Variants in PALM2AKAP2 observed in about 807,000 individuals in gnomAD.
PALM2AKAP2 encodes the protein PALM2 and AKAP2 fusion.
PALM2AKAP2 carries 37 observed loss-of-function variants against 71.5 expected under a neutral mutation model. The observed-to-expected ratio is 0.52, with a 90% CI of 0.40 to 0.68. The LOEUF (loss-of-function observed/expected upper bound fraction) is 0.68, where lower values mean the gene tolerates loss of function less well. Among genes scored for constraint, PALM2AKAP2 ranks in the 30% least tolerant of loss-of-function variants. The pLI is 0.00. For missense variants in PALM2AKAP2, 1,224 were observed against 1,191.8 expected (o/e 1.03, Z -0.40); for synonymous variants, 468 against 478.8 (o/e 0.98, Z 0.29).
At chr9:109,912,938 A>C (rs1212481922) in intron 3 of PALM2AKAP2, among the ~76,000 whole-genome samples, 1 of 152,224 alleles carries the variant, frequency 6.6e-6, no homozygotes, top group Non-Finnish European at 1.5e-5. Context: ...ATCTTTGGGC[A>C]AGAGTTCAGT....
At position 110,033,602 on chromosome 9, in the gene PALM2AKAP2, AAG is replaced by A. The variant is rs1412992242; in HGVS notation, c.582+17566_582+17567del. ...GACTTTATAAGGTCACAAATTCTGG[AAG>A]AGCAGAGTCAGAATTCAATTCCAGG... On this transcript the variant is annotated intron_variant, in intron 7 of 9. Transcript: ENST00000302798. Among the ~76,000 whole-genome samples the A allele has an allele frequency of 2.6e-5, 4 of 152,382 alleles. No individual in the cohort carries two copies. The East Asian group carries it at 7.7e-4, about 29-fold the overall frequency.
intron 6 of PALM2AKAP2, among the ~76,000 whole-genome samples, chr9:110,008,080 G>C (rs79336786): frequency 0.027 from 4,123 of 152,260 alleles, 72 homozygotes; most frequent in South Asian, 0.057. Context: ...TACACAGAAA[G>C]GTGGTGGGAA....
chr9:110,016,360 C>G (rs906528799), intron 7 of PALM2AKAP2, among the ~76,000 whole-genome samples: 1 of 152,158 alleles, frequency 6.6e-6, no homozygotes, highest in Non-Finnish European at 1.5e-5. Flanking sequence ...TACACGTAAG[C>G]TATTTGTAAA....
intron 7 of PALM2AKAP2, among the ~76,000 whole-genome samples, chr9:110,017,841 C>T (rs1392406755): frequency 2.0e-5 from 3 of 151,934 alleles, no homozygotes; most frequent in African/African-American, 7.3e-5. Context: ...AATTATCCTG[C>T]CTCAGCCTCC....
At chr9:109,656,642 T>G (rs1827312073) in intron 1 of PALM2AKAP2, among the ~76,000 whole-genome samples, 2 of 152,134 alleles carry the variant, frequency 1.3e-5, no homozygotes, top group African/African-American at 4.8e-5. Flanking sequence ...AAGATGGTTA[T>G]GGTTGTTGTG....
chr9:109,710,037 T>G (rs74686459), intron 1 of PALM2AKAP2, among the ~76,000 whole-genome samples: 6,457 of 152,158 alleles, frequency 0.042, 185 homozygotes, highest in Non-Finnish European at 0.053. Flanking sequence ...AGAAGGCCAT[T>G]TGATGATGGA....
intron 1 of PALM2AKAP2, among the ~76,000 whole-genome samples, chr9:109,676,171 GTTCCTCAC>G (rs1564109440): frequency 6.6e-6 from 1 of 152,162 alleles, no homozygotes; most frequent in African/African-American, 2.4e-5. Flanking sequence ...TAGAGCAAGA[GTTCCTCAC>G]TTCCTCACGC....
chr9:110,013,961 G>C (rs1832927932), intron 6 of PALM2AKAP2, among the ~76,000 whole-genome samples: 1 of 152,090 alleles, frequency 6.6e-6, no homozygotes, highest in Non-Finnish European at 1.5e-5. Context: ...AGCTGTTTTT[G>C]TAAATAAAGT....
chr9:110,092,679 A>G (rs1226484406), intron 1 of PALM2AKAP2, among the ~76,000 whole-genome samples: 1 of 152,198 alleles, frequency 6.6e-6, no homozygotes, highest in African/African-American at 2.4e-5. Flanking sequence ...ACTGAAAGGT[A>G]AAGGTACAGG....
Position 110,015,068 on chromosome 9 carries a change from C to T in PALM2AKAP2, c.497-886C>T, listed in dbSNP as rs79507587. Among the ~76,000 whole-genome samples the T allele has an allele frequency of 9.3e-3, 1,408 of 151,780 alleles. 21 individuals are homozygous for T. Among genetic ancestry groups the T allele is most frequent in the African/African-American group, 0.033 (1,356 of 41,378 alleles). On this transcript the variant is annotated intron_variant, in intron 6 of 9. Coordinates refer to the PALM2AKAP2 transcript ENST00000302798. ...CCGGATGTCCACTCTTGGAGACAAT[C>T]GGGTAGCTTTAGAAGAAAGAAACAT...
At chr9:109,994,972 A>G (rs1345437939) in intron 6 of PALM2AKAP2, among the ~76,000 whole-genome samples, 2 of 152,126 alleles carry the variant, frequency 1.3e-5, no homozygotes, top group Non-Finnish European at 2.9e-5. Flanking sequence ...ACAAAATACC[A>G]CAGCATGTCT....
At chr9:110,113,994 A>G (rs1209600960) in intron 1 of PALM2AKAP2, among the ~76,000 whole-genome samples, 1 of 152,234 alleles carries the variant, frequency 6.6e-6, no homozygotes, top group East Asian at 1.9e-4. Context: ...CTGCCTTCAC[A>G]TTCTGTCCTC....
intron 6 of PALM2AKAP2, among the ~76,000 whole-genome samples, chr9:109,996,723 C>G (rs1832581776): frequency 6.6e-6 from 1 of 152,242 alleles, no homozygotes; most frequent in Non-Finnish European, 1.5e-5. Flanking sequence ...TCTGAGTGTA[C>G]TGTGGTAGCT....
Position 109,870,340 on chromosome 9 carries a change from C to T in PALM2AKAP2, c.126+2769C>T, listed in dbSNP as rs114641959. 4.6e-3 allele frequency among the ~76,000 whole-genome samples: 696 copies of T among 152,270 alleles called. 7 individuals are homozygous for T. Among genetic ancestry groups the T allele is most frequent in the African/African-American group, 0.016 (671 of 41,534 alleles). ...GAACTTGAATAGCATGGGACTTTTTCCCTGTAATCATCCAGTTTGCAGCCT... is the reference window on the plus strand; with the variant it reads ...GAACTTGAATAGCATGGGACTTTTTTCCTGTAATCATCCAGTTTGCAGCCT... On this transcript the variant is annotated intron_variant, in intron 2 of 9. Transcript: ENST00000302798.
In PALM2AKAP2 at chr9:110,018,132, G is replaced by A. The variant is rs571052893; in HGVS notation, c.582+2093G>A. Among the ~76,000 whole-genome samples the A allele has an allele frequency of 2.6e-5, 4 of 152,234 alleles. No individual in the cohort carries two copies. In the East Asian group the frequency reaches 7.7e-4, roughly 29 times the overall value. On this transcript the variant is annotated intron_variant, in intron 7 of 9. Coordinates refer to the PALM2AKAP2 transcript ENST00000302798. Reference sequence around the variant, plus strand: ...TGGTACCAGGATCTTGACTGAAGTTGTATTTGGGTCCCTCTAGTTTAGACA... The same window carrying A: ...TGGTACCAGGATCTTGACTGAAGTTATATTTGGGTCCCTCTAGTTTAGACA...
chr9:110,091,544 T>G (rs774716712), intron 1 of PALM2AKAP2, among the ~76,000 whole-genome samples: 3 of 137,918 alleles, frequency 2.2e-5, no homozygotes, highest in Admixed American at 1.6e-4. Flanking sequence ...CTCACTGCAA[T>G]CTCTACCTCC....
In PALM2AKAP2 at chr9:109,730,639, T is replaced by C. The variant is rs188050748; in HGVS notation, c.6-49849T>C. Among the ~76,000 whole-genome samples, 198 of 152,330 alleles carry C rather than the reference T, an allele frequency of 1.3e-3. 1 individual carries two copies. The highest frequency in any genetic ancestry group is 4.5e-3 in the African/African-American group (186 of 41,572). ...ATTTGGCTTAAGAAATCTAAGACAA[T>C]TTTTAGAAATCAATGTGTCTTAGAA... On this transcript the variant is annotated intron_variant, in intron 1 of 6. Coordinates refer to the PALM2AKAP2 transcript ENST00000374531.
chr9:109,811,448 T>C (rs1356843399), intron 1 of PALM2AKAP2, among the ~76,000 whole-genome samples: 4 of 152,120 alleles, frequency 2.6e-5, no homozygotes, highest in Admixed American at 1.3e-4. Context: ...TTATTATAAA[T>C]TCAATCACAT....
At chr9:109,733,674 G>A (rs1466885808) in intron 1 of PALM2AKAP2, among the ~76,000 whole-genome samples, 1 of 152,138 alleles carries the variant, frequency 6.6e-6, no homozygotes, top group Non-Finnish European at 1.5e-5. Flanking sequence ...CCAGACAAGG[G>A]AACTCTCTCT....
Sources: gnomAD v4.1 joint callset for allele counts (sites outside exome capture counted in the v4.1 genomes callset) on GRCh38, gnomAD v4.1.1 for gene constraint, MANE v1.5 for transcripts, NCBI Gene and HGNC (gene_info 2026-07-23, HGNC 2026-07-21) for gene names.